The following SKIC8 variants were observed in gnomAD, a reference collection of about 807,000 sequenced individuals.
SKIC8 encodes the protein superkiller complex protein 8.
the SKIC8 span, chr15:78,285,780 G>A: frequency 2.2e-6 from 1 of 463,830 alleles, no homozygotes; most frequent in Admixed American, 3.8e-5. Flanking sequence ...TGGAACACAA[G>A]TCTACCTTAG....
chr15:78,294,794 G>GT, the SKIC8 span: 3 of 659,908 alleles, frequency 4.5e-6, no homozygotes, highest in African/African-American at 3.7e-5. Flanking sequence ...GTTGTTGTCT[G>GT]TTTTTTAAGA....
chr15:78,294,577 A>G, the SKIC8 span: 291 of 226,972 alleles, frequency 1.3e-3, 4 homozygotes, highest in African/African-American at 6.4e-3. Flanking sequence ...CTGAGTTCAG[A>G]AAAAGGCTCA....
chr15:78,293,316 A>G, the SKIC8 span: 2 of 1,552,676 alleles, frequency 1.3e-6, no homozygotes, highest in Non-Finnish European at 1.8e-6. Flanking sequence ...CTTGCATACG[A>G]CTTAATGAAG....
At chr15:78,288,698 A>G in the SKIC8 span, 2 of 377,870 alleles carry the variant, frequency 5.3e-6, no homozygotes, top group Non-Finnish European at 1.0e-5. Context: ...TGTAAGGTTG[A>G]ACAAATTAAG....
chr15:78,293,359 T>C, the SKIC8 span: 2 of 1,241,510 alleles, frequency 1.6e-6, no homozygotes, highest in Non-Finnish European at 2.3e-6. Context: ...TGAGGTAACA[T>C]TTATTTGTAT....
chr15:78,296,634 T>C, the SKIC8 span, among the ~76,000 whole-genome samples: 1 of 151,830 alleles, frequency 6.6e-6, no homozygotes, highest in Non-Finnish European at 1.5e-5. Flanking sequence ...TCAGCCCGAG[T>C]GGCTGGGACT....
the SKIC8 span, chr15:78,296,048 A>G: frequency 5.1e-6 from 1 of 196,468 alleles, no homozygotes; most frequent in African/African-American, 2.3e-5. Context: ...TTAATATTAA[A>G]TATTATTTAT....
the SKIC8 span, chr15:78,286,195 T>G: frequency 1.4e-6 from 2 of 1,421,628 alleles, no homozygotes; most frequent in South Asian, 2.4e-5. Context: ...ATCACTGAAG[T>G]GGAAAGTATA....
chr15:78,294,589 G>A, the SKIC8 span: 4 of 240,330 alleles, frequency 1.7e-5, no homozygotes, highest in African/African-American at 4.5e-5. Context: ...AAAGGCTCAC[G>A]TTCACCTCCC....
At chr15:78,296,501 G>T in the SKIC8 span, among the ~76,000 whole-genome samples, 17 of 151,868 alleles carry the variant, frequency 1.1e-4, no homozygotes, top group East Asian at 3.3e-3. Flanking sequence ...GTGTGCCAAA[G>T]ACCCCCTTTG....
the SKIC8 span, chr15:78,290,190 T>G: frequency 7.4e-7 from 1 of 1,348,494 alleles, no homozygotes; most frequent in Non-Finnish European, 9.9e-7. Flanking sequence ...TACATCTTTT[T>G]AAATCGGAGT....
the SKIC8 span, among the ~76,000 whole-genome samples, chr15:78,297,728 C>T: frequency 6.6e-6 from 1 of 152,170 alleles, no homozygotes; most frequent in Non-Finnish European, 1.5e-5. Flanking sequence ...TCCTCTCAGC[C>T]AAGTTCACGG....
chr15:78,296,956 A>G, the SKIC8 span, among the ~76,000 whole-genome samples: 1 of 152,246 alleles, frequency 6.6e-6, no homozygotes, highest in African/African-American at 2.4e-5. Flanking sequence ...GGTTCCTGAA[A>G]GCCTCTGGGC....
chr15:78,292,773 C>G, the SKIC8 span: 1 of 1,613,812 alleles, frequency 6.2e-7, no homozygotes, highest in South Asian at 1.1e-5. Flanking sequence ...ACTGTAGGTC[C>G]AGCCTCTCAT....
chr15:78,283,342 A>C, the SKIC8 span: 4 of 992,176 alleles, frequency 4.0e-6, no homozygotes, highest in Admixed American at 9.6e-5. Context: ...AATAAATGCT[A>C]TATTTCTTTT....
chr15:78,287,678 T>TA, the SKIC8 span, among the ~76,000 whole-genome samples: 1 of 152,140 alleles, frequency 6.6e-6, no homozygotes, highest in African/African-American at 2.4e-5. Context: ...TTACAGGGGA[T>TA]ACCTCAGTGG....
the SKIC8 span, chr15:78,290,115 A>G: frequency 3.0e-5 from 48 of 1,604,042 alleles, no homozygotes; most frequent in South Asian, 4.5e-4. Flanking sequence ...CAGAAAAAAG[A>G]AGGACAAAAA....
chr15:78,287,962 C>T, the SKIC8 span, among the ~76,000 whole-genome samples: 1 of 152,144 alleles, frequency 6.6e-6, no homozygotes, highest in Non-Finnish European at 1.5e-5. Context: ...GGGCCAGCTA[C>T]AGCCCATGGC....
chr15:78,286,361 C>A, the SKIC8 span: 2 of 437,128 alleles, frequency 4.6e-6, no homozygotes, highest in South Asian at 5.4e-5. Context: ...CCACCAAAAG[C>A]CAAGAATAAA....
Sources: allele counts gnomAD v4.1 joint callset (sites outside exome capture counted in the v4.1 genomes callset), GRCh38; gene constraint gnomAD v4.1.1; transcripts MANE v1.5; gene names NCBI Gene and HGNC (gene_info 2026-07-23, HGNC 2026-07-21).